Variants in LEMD2 observed in about 807,000 individuals in gnomAD.
LEMD2 encodes the protein LEM domain nuclear envelope protein 2.
In LEMD2, 34 loss-of-function variants were observed where a neutral mutation model predicts 58.8. That is an observed-to-expected ratio of 0.58 (90% CI 0.44 to 0.77). LEMD2 has a LOEUF of 0.77. Ranked by LOEUF, LEMD2 falls within the 30% of genes least tolerant of loss-of-function variation. The pLI is 0.00. For synonymous variants in LEMD2, 298 were observed against 308.9 expected (o/e 0.96, Z 0.37); for missense variants, 629 against 717.9 (o/e 0.88, Z 1.42).
At chr6:33,787,630 CTA>C (rs756071044) in intron 1 of LEMD2, among the ~76,000 whole-genome samples, 3 of 152,338 alleles carry the variant, frequency 2.0e-5, no homozygotes, top group South Asian at 2.1e-4. Context: ...GAAATGATCT[CTA>C]TGTTTCCTTT....
chr6:33,778,115 T>G lies in LEMD2; in HGVS notation c.1156+127A>C. On this transcript the variant is annotated intron_variant, in intron 6 of 8. Coordinates refer to ENST00000293760, the MANE Select transcript of LEMD2 (RefSeq NM_181336.4). The surrounding 1 kb of genome is among the most constrained non-coding windows in gnomAD (Gnocchi z 4.7). ...TGACTTGTTCATCTCCTCTGTTTTA[T>G]GAGACAGACCTCAGGTTCACTAGAC... is the stretch of plus-strand genomic sequence containing the variant. The G allele has an allele frequency of 1.1e-6, 1 of 888,158 alleles. No individual in the cohort carries two copies. Among genetic ancestry groups the G allele is most frequent in the Non-Finnish European group, 1.6e-6 (1 of 629,084 alleles). The allele number at this position is 888,158 out of a possible 1,614,324, so 55.0% of individuals were successfully genotyped here.
Position 33,778,223 on chromosome 6 carries a change from A to G in LEMD2, c.1156+19T>C. On this transcript the variant is annotated intron_variant, in intron 6 of 8. Transcript: ENST00000293760. This position sits in a 1 kb window ranked among gnomAD's most constrained non-coding sequence, Gnocchi z 4.7. Reference sequence around the variant, plus strand: ...TGCTTGACTGCACAGAAGGGGAGGGAAGGCGGCCGAGGACTTACACCAGAA... The same window carrying G: ...TGCTTGACTGCACAGAAGGGGAGGGGAGGCGGCCGAGGACTTACACCAGAA... 1.3e-6 allele frequency: 2 copies of G among 1,566,244 alleles called. No homozygotes were observed. Among genetic ancestry groups the G allele is most frequent in the Non-Finnish European group, 1.7e-6 (2 of 1,154,224 alleles).
In LEMD2 at chr6:33,771,599, TGCCTCCCAGGGAGCAG is replaced by T. The variant is rs1284674525; in HGVS notation, c.*1013_*1028del. 1 of 152,350 alleles carries T rather than the reference TGCCTCCCAGGGAGCAG, an allele frequency of 6.6e-6. No homozygotes were observed. Among genetic ancestry groups the T allele is most frequent in the Admixed American group, 6.5e-5 (1 of 15,306 alleles). The allele number at this position is 152,350 out of a possible 1,614,324, so 9.4% of individuals were successfully genotyped here. On this transcript the variant is annotated 3_prime_UTR_variant, in exon 9 of 9. Coordinates refer to ENST00000293760, the MANE Select transcript of LEMD2 (RefSeq NM_181336.4). The stretch of plus-strand genomic sequence containing the variant: ...CCCCCGTCGGGGTGCTTCTGGAGCC[TGCCTCCCAGGGAGCAG>T]GCTGAGGAGCTGGCGGGAGGGCCGG...
At chr6:33,783,174 A>G (rs1767602842) in intron 3 of LEMD2, among the ~76,000 whole-genome samples, 1 of 152,188 alleles carries the variant, frequency 6.6e-6, no homozygotes, top group Non-Finnish European at 1.5e-5. Context: ...TTGAGACACA[A>G]AGGTTTGGAA....
intron 2 of LEMD2, among the ~76,000 whole-genome samples, chr6:33,784,950 C>G (rs940318498): frequency 6.6e-6 from 1 of 152,238 alleles, no homozygotes; most frequent in East Asian, 1.9e-4. Context: ...TCAGTGCGAA[C>G]TCACACAAAC....
rs1767320913 is a variant in LEMD2, at chr6:33,772,425, T to TC, written c.*202dup. On this transcript the variant is annotated 3_prime_UTR_variant, in exon 9 of 9. Coordinates refer to ENST00000293760, the MANE Select transcript of LEMD2 (RefSeq NM_181336.4). ...GAGTCTGGGCTATCACCCTGGCTTC[T>TC]CCCCCTCCCTTTAAAGGAAGCCCAC... 1.9e-6 allele frequency: 1 copy of TC among 514,552 alleles called. No individual in the cohort carries two copies. Among genetic ancestry groups the TC allele is most frequent in the African/African-American group, 2.0e-5 (1 of 51,106 alleles). 31.9% of individuals were successfully genotyped at this position (514,552 alleles called of 1,614,324 possible).
intron 8 of LEMD2, 81 bp from the exon 9 acceptor site, chr6:33,772,859 A>C: frequency 7.7e-7 from 1 of 1,295,786 alleles, no homozygotes; most frequent in South Asian, 1.4e-5. Context: ...AAGGGCACAC[A>C]TTTCCAGGCT....
chr6:33,787,555 C>T (rs1182689945), intron 1 of LEMD2, among the ~76,000 whole-genome samples: 1 of 152,216 alleles, frequency 6.6e-6, no homozygotes, highest in East Asian at 1.9e-4. Flanking sequence ...TAGTCACATT[C>T]GTGCTTTGTA....
At chr6:33,777,310 C>T (rs1767454373) in intron 6 of LEMD2, 71 bp from the exon 7 acceptor site, 1 of 1,033,566 alleles carries the variant, frequency 9.7e-7, no homozygotes. Context: ...GGACAAGATG[C>T]TGTGATGGAT....
At position 33,786,715 on chromosome 6, in the gene LEMD2, C is replaced by T; in HGVS notation, c.777+19G>A. On this transcript the variant is annotated intron_variant, in intron 2 of 8. Coordinates refer to ENST00000293760, the MANE Select transcript of LEMD2 (RefSeq NM_181336.4). ...TATCCTCAGGAAGAATAATAAAAAC[C>T]AGAGAAACTCAAACTCACCTCATCT... The T allele has an allele frequency of 6.2e-7, 1 of 1,600,520 alleles. No individual in the cohort carries two copies. Among genetic ancestry groups the T allele is most frequent in the Non-Finnish European group, 8.6e-7 (1 of 1,168,224 alleles).
chr6:33,781,090 T>G lies in LEMD2; in HGVS notation c.917A>C (p.Gln306Pro), dbSNP rs186843637. The change falls in exon 4 of 9, where the codon CAA becomes CCA. Residue 306 changes from glutamine (Q) to proline (P), a missense_variant. Physicochemically the swap from Gln to Pro is moderately conservative, Grantham distance 76 (BLOSUM62 -1). Transcript: ENST00000293760. ...AAGCCTACTTACGGCTATATATTCT[T>G]GGGCTTCCATAACAGGAATGCATTT... is the stretch of plus-strand genomic sequence containing the variant. ...KSKCIPVMEA[Q>P]EYIANVTSSS... 1.2e-6 allele frequency: 2 copies of G among 1,612,020 alleles called. No homozygotes were observed. Among genetic ancestry groups the G allele is most frequent in the Non-Finnish European group, 8.5e-7 (1 of 1,178,130 alleles).
chr6:33,788,729 T>A lies in LEMD2; in HGVS notation c.388A>T (p.Arg130Trp). 7.0e-7 allele frequency: 1 copy of A among 1,425,366 alleles called. No individual in the cohort carries two copies. The highest frequency in any genetic ancestry group is 3.0e-5 in the East Asian group (1 of 32,870). 88.3% of individuals were successfully genotyped at this position (1,425,366 alleles called of 1,614,324 possible). A position where few individuals can be genotyped will look rare whatever the true frequency, so the allele number is the denominator to read the frequency against. Reference sequence around the variant, plus strand: ...CTGCCCCGGACCGAGGCGCGGCGCCTGAGTTGCGCCGGGCGGGCAGGATAG... The same window carrying A: ...CTGCCCCGGACCGAGGCGCGGCGCCAGAGTTGCGCCGGGCGGGCAGGATAG... ...LAYPARPAQL[R>W]RRASVRGSSE... is the part of the protein sequence containing the mutation. Residue 130 changes from arginine to tryptophan, a missense_variant, in exon 1 of 9, where the codon AGG becomes TGG. Arg to Trp is a moderately radical substitution (Grantham distance 101). Coordinates refer to ENST00000293760, the MANE Select transcript of LEMD2 (RefSeq NM_181336.4).
Position 33,778,569 on chromosome 6 carries a change from T to C in LEMD2, c.1011-182A>G, listed in dbSNP as rs963389811. ...AATTTCCCACATTGGCTACTTAGAATGAATAAAGCTTTAAAGACGGCAGCA... is the reference window on the plus strand; with the variant it reads ...AATTTCCCACATTGGCTACTTAGAACGAATAAAGCTTTAAAGACGGCAGCA... On this transcript the variant is annotated intron_variant, in intron 5 of 8. Transcript: ENST00000293760. The surrounding 1 kb of genome is among the most constrained non-coding windows in gnomAD (Gnocchi z 4.7). 27 of 439,514 alleles carry C rather than the reference T, an allele frequency of 6.1e-5. No individual in the cohort carries two copies. Among genetic ancestry groups the C allele is most frequent in the Non-Finnish European group, 9.1e-5 (23 of 253,548 alleles). 27.2% of individuals were successfully genotyped at this position (439,514 alleles called of 1,614,324 possible).
intron 1 of LEMD2, 54 bp downstream of exon 1, chr6:33,788,327 T>G: frequency 8.7e-6 from 13 of 1,490,086 alleles, no homozygotes; most frequent in Non-Finnish European, 1.2e-5. Flanking sequence ...CGGGGGGTCC[T>G]CCGGCGGACA....
rs746203242 is a variant in LEMD2 at position 33,780,128 on chromosome 6, G to C, written c.982C>G (p.Leu328Val). Residue 328 changes from leucine (L) to valine (V), a missense_variant, in exon 5 of 9, where the codon CTG becomes GTG. Transcript: ENST00000293760. ...AKFEAALTWI[L>V]SSNKDVGIWL... is the part of the protein sequence containing the mutation. ...ATGCCCACGTCCTTGTTACTGCTCA[G>C]TATCCAGGTCAGTGCGGCTTCAAAC... 8 of 1,595,716 alleles carry C rather than the reference G, an allele frequency of 5.0e-6. No individual in the cohort carries two copies. The African/African-American group carries it at 8.0e-5, about 16-fold the overall frequency.
intron 8 of LEMD2, 49 bp from the exon 9 acceptor site, chr6:33,772,827 G>A: frequency 2.6e-6 from 4 of 1,526,350 alleles, no homozygotes; most frequent in Non-Finnish European, 3.6e-6. Context: ...AGGTGAGCCA[G>A]CCTGTGGATG....
At chr6:33,786,365 T>C (rs890744451) in intron 2 of LEMD2, among the ~76,000 whole-genome samples, 1 of 152,198 alleles carries the variant, frequency 6.6e-6, no homozygotes, top group Non-Finnish European at 1.5e-5. Context: ...AATTGAGAAC[T>C]TGGCCTCCTG....
rs1767334611 is a variant in LEMD2, at chr6:33,772,792, G to C, written c.1362-14C>G. The C allele has an allele frequency of 6.2e-7, 1 of 1,611,370 alleles. No individual in the cohort carries two copies. The highest frequency in any genetic ancestry group is 8.5e-7 in the Non-Finnish European group (1 of 1,178,774). Reference sequence around the variant, plus strand: ...TTCATGCGCCTCCTGCAATGAGAGGGACGGGGCTCTGCCTGGCACTGCCGA... The same window carrying C: ...TTCATGCGCCTCCTGCAATGAGAGGCACGGGGCTCTGCCTGGCACTGCCGA... On this transcript the variant is annotated splice_polypyrimidine_tract_variant and intron_variant, in intron 8 of 8. Coordinates refer to ENST00000293760, the MANE Select transcript of LEMD2 (RefSeq NM_181336.4).
At chr6:33,781,319 A>C (rs574563700) in intron 3 of LEMD2, 166 bp from the exon 4 acceptor site, 84 of 604,036 alleles carry the variant, frequency 1.4e-4, no homozygotes, top group Non-Finnish European at 2.1e-4. Context: ...ATCAAAAGCC[A>C]CTTAGCTTGG....
Sources: allele counts gnomAD v4.1 joint callset (sites outside exome capture counted in the v4.1 genomes callset), GRCh38; gene constraint gnomAD v4.1.1; non-coding constraint Gnocchi (gnomAD v3.1); transcripts MANE v1.5; gene names NCBI Gene and HGNC (gene_info 2026-07-23, HGNC 2026-07-21).